Variants in CPZ observed in about 807,000 individuals in gnomAD.
The protein encoded by CPZ is VEZT/CPZ fusion.
A neutral mutation model predicts 61.8 loss-of-function variants in CPZ; 103 were observed. The ratio of observed to expected loss-of-function variants is 1.67; its 90% CI spans 1.42 to 1.96. The LOEUF (loss-of-function observed/expected upper bound fraction) is 1.96. Among genes scored for constraint, CPZ ranks in the 30% most tolerant of loss-of-function variants. CPZ has a pLI of 0.00. For missense variants in CPZ, 1,461 were observed against 914.9 expected, an observed-to-expected ratio of 1.60 and a Z score of -7.70; for synonymous variants, 551 against 373.7, an observed-to-expected ratio of 1.47 and a Z score of -5.47.
rs559434229 is a variant in CPZ, at chr4:8,618,331, T to C, written c.1504-98T>C. On this transcript the variant is annotated intron_variant, in intron 9 of 10. Coordinates refer to ENST00000360986, the MANE Select transcript of CPZ (RefSeq NM_001014447.3). ...GCTCTGTGGGGTAGTTCCCCCTAGA[T>C]ACCAAGCTCTGAGGAGCATGTGGGG... 1.5e-5 allele frequency: 17 copies of C among 1,172,314 alleles called. No homozygotes were observed. In the East Asian group the frequency reaches 2.4e-4, roughly 16 times the overall value. 72.6% of individuals were successfully genotyped at this position (1,172,314 alleles called of 1,614,324 possible).
rs544255380 is a variant in CPZ at position 8,595,980 on chromosome 4, T to C, written c.88+3059T>C. 2.7e-3 allele frequency among the ~76,000 whole-genome samples: 405 copies of C among 151,806 alleles called. 4 individuals carry two copies. Among genetic ancestry groups the C allele is most frequent in the African/African-American group, 9.6e-3 (395 of 41,328 alleles). On this transcript the variant is annotated intron_variant, in intron 1 of 10. Transcript: ENST00000360986. ...GGGAGGGGCGGGAGAGTTCTTCCCT[T>C]AGAGCCTTGACAGGGAGTGCGGCCC... is the stretch of plus-strand genomic sequence containing the variant.
In CPZ at chr4:8,614,525, G is replaced by C. The variant is rs1433144671; in HGVS notation, c.1503+27G>C. ...TGAGTTCTGACGGTCTCAGGGCTCTGGTCCAGCTGTGGCCTGGGTGGGGTG... is the reference window on the plus strand; with the variant it reads ...TGAGTTCTGACGGTCTCAGGGCTCTCGTCCAGCTGTGGCCTGGGTGGGGTG... On this transcript the variant is annotated intron_variant, in intron 9 of 10. Transcript: ENST00000360986. 2.5e-6 allele frequency: 4 copies of C among 1,608,408 alleles called. No homozygotes were observed. In the South Asian group the frequency reaches 4.4e-5, roughly 18 times the overall value.
At chr4:8,613,028 C>G (rs544991550) in intron 8 of CPZ, among the ~76,000 whole-genome samples, 1 of 152,356 alleles carries the variant, frequency 6.6e-6, no homozygotes, top group East Asian at 1.9e-4. Context: ...AGCCTCTCTC[C>G]CTTCCAGAAC....
At chr4:8,593,065 A>T (rs1713914134) in intron 1 of CPZ, 144 bp downstream of exon 1, 1 of 646,192 alleles carries the variant, frequency 1.5e-6, no homozygotes, top group Admixed American at 3.4e-5. Flanking sequence ...CAAAGTGGGC[A>T]GCATGTGGCC....
rs139418095 is a variant in CPZ at position 8,606,067 on chromosome 4, A to G, written c.788A>G (p.Gln263Arg). The change falls in exon 5 of 11, where the codon CAG (glutamine) becomes CGG (arginine). Residue 263 changes from glutamine to arginine, a missense_variant. Physicochemically the swap from Gln to Arg is conservative, Grantham distance 43. Coordinates refer to ENST00000360986, the MANE Select transcript of CPZ (RefSeq NM_001014447.3). ...CGGGAGATGCTCATCTACCTAGCCC[A>G]GTACCTGTGCTCTGAGTACCTGCTT... ...AGREMLIYLA[Q>R]YLCSEYLLGN... is the part of the protein sequence containing the mutation. The G allele has an allele frequency of 3.2e-3, 5,120 of 1,614,190 alleles. 14 individuals carry two copies. The highest frequency in any genetic ancestry group is 3.3e-3 in the Non-Finnish European group (3,933 of 1,180,014).
chr4:8,598,619 C>T lies in CPZ; in HGVS notation c.89-834C>T, dbSNP rs576662986. On this transcript the variant is annotated intron_variant, in intron 1 of 10. Transcript: ENST00000360986. Reference sequence around the variant, plus strand: ...TGCCCCCTCTCTGGCCAGGTGGGCTCCGGCATGGGCCCGTCCCAGCACTAG... The same window carrying T: ...TGCCCCCTCTCTGGCCAGGTGGGCTTCGGCATGGGCCCGTCCCAGCACTAG... Among the ~76,000 whole-genome samples the T allele has an allele frequency of 1.2e-3, 185 of 152,370 alleles. 1 individual carries two copies. Among genetic ancestry groups the T allele is most frequent in the African/African-American group, 4.3e-3 (178 of 41,596 alleles).
intron 9 of CPZ, 124 bp from the exon 10 acceptor site, chr4:8,618,305 G>T: frequency 1.3e-6 from 1 of 795,784 alleles, no homozygotes; most frequent in Non-Finnish European, 2.1e-6. Flanking sequence ...GGCAGAGTGG[G>T]GCTCTGTGGG....
rs935517489 is a variant in CPZ, at chr4:8,610,540, A to AC, written c.1228-1481dup. 8.6e-5 allele frequency among the ~76,000 whole-genome samples: 13 copies of AC among 151,904 alleles called. No individual in the cohort carries two copies. In the South Asian group the frequency reaches 1.2e-3, roughly 15 times the overall value. ...GGAGAGAGTCTTGTCCCACCCTCCT[A>AC]CCCCCCGAGGCTACACCCTGTCAAG... is the stretch of plus-strand genomic sequence containing the variant. On this transcript the variant is annotated intron_variant, in intron 7 of 10. Coordinates refer to ENST00000360986, the MANE Select transcript of CPZ (RefSeq NM_001014447.3).
At position 8,619,287 on chromosome 4, in the gene CPZ, G is replaced by A. The variant is rs765332989; in HGVS notation, c.1629G>A (p.Leu543=). Residue 543 remains leucine (L), a synonymous_variant, in exon 11 of 11, where the codon CTG becomes CTA. Transcript: ENST00000360986. ...CCCCAGATGGTGACTACTGGAGACTGCTGCCCCCAGGTATCCACATTGTCA... is the reference window on the plus strand; with the variant it reads ...CCCCAGATGGTGACTACTGGAGACTACTGCCCCCAGGTATCCACATTGTCA... The part of the protein sequence containing the change: ...TTAPDGDYWR[L]LPPGIHIVIA... 3 of 1,612,980 alleles carry A rather than the reference G, an allele frequency of 1.9e-6. No individual in the cohort carries two copies. Among genetic ancestry groups the A allele is most frequent in the Non-Finnish European group, 2.5e-6 (3 of 1,179,508 alleles).
At chr4:8,597,514 C>G (rs866003437) in intron 1 of CPZ, 1 of 152,236 alleles carries the variant, frequency 6.6e-6, no homozygotes, top group African/African-American at 2.4e-5. Flanking sequence ...CCCACAGGCC[C>G]GTGACAGTCA....
chr4:8,600,339 A>G (rs1189646582), intron 2 of CPZ, among the ~76,000 whole-genome samples: 1 of 152,188 alleles, frequency 6.6e-6, no homozygotes, highest in Non-Finnish European at 1.5e-5. Flanking sequence ...AGACTTTGAC[A>G]TGAGACGTGG....
intron 1 of CPZ, among the ~76,000 whole-genome samples, chr4:8,593,563 T>C (rs1713956935): frequency 6.6e-6 from 1 of 152,206 alleles, no homozygotes; most frequent in African/African-American, 2.4e-5. Context: ...GGCTCCCGTC[T>C]GGCCTCACGG....
intron 4 of CPZ, 49 bp downstream of exon 4, chr4:8,604,237 T>C (rs1236629770): frequency 6.8e-7 from 1 of 1,469,852 alleles, no homozygotes; most frequent in East Asian, 2.5e-5. Flanking sequence ...GGGAAAGGGC[T>C]TGGGCCGCTC....
chr4:8,599,757 A>C, intron 2 of CPZ: 3 of 624,232 alleles, frequency 4.8e-6, no homozygotes, highest in South Asian at 2.3e-5. Context: ...TCCAGTCCCC[A>C]CTGCAGTCAC....
chr4:8,601,496 G>C lies in CPZ; in HGVS notation c.495G>C (p.Arg165=). The change falls in exon 3 of 11, where the codon CGG becomes CGC. Residue 165 remains arginine (R), a splice_region_variant and synonymous_variant. Transcript: ENST00000360986. ...EGCYDPLEKL[R]GGLEADEALP... ...GCTATGACCCGCTGGAGAAGCTTCG[G>C]GGTAAGGGAAAGTGGCGGGGGCCTG... 1 of 1,470,838 alleles carries C rather than the reference G, an allele frequency of 6.8e-7. No individual in the cohort carries two copies. Among genetic ancestry groups the C allele is most frequent in the Admixed American group, 2.2e-5 (1 of 44,802 alleles). 91.1% of individuals were successfully genotyped at this position (1,470,838 alleles called of 1,614,324 possible).
chr4:8,604,108 C>T lies in CPZ; in HGVS notation c.629C>T (p.Thr210Ile), dbSNP rs555879536. ...TCCCGCTGCGCCCACGTGGCCAGGA[C>T]CTACAGCATCGGGCGCAGCTTCGAC... ...TASRCAHVARTYSIGRSFDGR... is the reference protein window; with the variant it reads ...TASRCAHVARIYSIGRSFDGR... The change falls in exon 4 of 11, where the codon ACC becomes ATC. Residue 210 changes from threonine to isoleucine, a missense_variant. By Grantham distance (89) the Thr-to-Ile change is moderately conservative. Coordinates refer to ENST00000360986, the MANE Select transcript of CPZ (RefSeq NM_001014447.3). 6.9e-6 allele frequency: 11 copies of T among 1,605,298 alleles called. No individual in the cohort carries two copies. The highest frequency in any genetic ancestry group is 1.1e-5 in the South Asian group (1 of 89,966).
In CPZ at chr4:8,603,971, C is replaced by A; in HGVS notation, c.497-5C>A. On this transcript the variant is annotated splice_region_variant and splice_polypyrimidine_tract_variant and intron_variant, in intron 3 of 10. Coordinates refer to ENST00000360986, the MANE Select transcript of CPZ (RefSeq NM_001014447.3). ...ACTGACTGAGCCCCCCCACTGCTCC[C>A]CCAGGAGGCCTGGAGGCTGACGAGG... is the stretch of plus-strand genomic sequence containing the variant. The A allele has an allele frequency of 1.2e-6, 2 of 1,611,742 alleles. No homozygotes were observed. The highest frequency in any genetic ancestry group is 1.7e-6 in the Non-Finnish European group (2 of 1,179,572).
chr4:8,606,741 C>T lies in CPZ; in HGVS notation c.911C>T (p.Ala304Val), dbSNP rs1285330922. 3.1e-6 allele frequency: 5 copies of T among 1,613,990 alleles called. No individual in the cohort carries two copies. In the Admixed American group the frequency reaches 6.7e-5, roughly 22 times the overall value. The change falls in exon 6 of 11, where the codon GCC (alanine) becomes GTC (valine). Residue 304 changes from alanine (A) to valine (V), a missense_variant. Ala to Val is a moderately conservative substitution (Grantham distance 64). Transcript: ENST00000360986. ...DGYEVAAAEGAGYNGWTSGRQ... is the reference protein window; with the variant it reads ...DGYEVAAAEGVGYNGWTSGRQ... ...GGGGGTTGGCCATGTTTTCAGGGTGCCGGCTACAACGGGTGGACGAGCGGG... is the reference window on the plus strand; with the variant it reads ...GGGGGTTGGCCATGTTTTCAGGGTGTCGGCTACAACGGGTGGACGAGCGGG...
chr4:8,600,922 G>C, intron 2 of CPZ: 1 of 1,289,130 alleles, frequency 7.8e-7, no homozygotes, highest in Non-Finnish European at 9.8e-7. Flanking sequence ...AGTTGAATCT[G>C]GTTGGTCTTA....
Sources: gnomAD v4.1 joint callset for allele counts (sites outside exome capture counted in the v4.1 genomes callset) on GRCh38, gnomAD v4.1.1 for gene constraint, MANE v1.5 for transcripts, NCBI Gene and HGNC (gene_info 2026-07-23, HGNC 2026-07-21) for gene names.